Variants in MAML2 observed in about 807,000 individuals in gnomAD.
The protein encoded by MAML2 is mastermind like transcriptional coactivator 2.
Under a neutral mutation model 96.1 loss-of-function variants are expected in MAML2, and 22 were observed. The observed-to-expected ratio is 0.23, with a 90% CI of 0.16 to 0.33. The LOEUF is 0.33. Ranked by LOEUF, MAML2 falls within the 10% of genes least tolerant of loss-of-function variation. MAML2 has a pLI of 1.00. For synonymous variants in MAML2, 561 were observed against 521.3 expected (o/e 1.08, Z -1.04); for missense variants, 1,367 against 1,392.4 (o/e 0.98, Z 0.29).
intron 2 of MAML2, among the ~76,000 whole-genome samples, chr11:96,088,141 T>C (rs1859648207): frequency 6.6e-6 from 1 of 152,164 alleles, no homozygotes; most frequent in Non-Finnish European, 1.5e-5. Context: ...AAGGATAAAC[T>C]TGGCTAGGAA....
intron 2 of MAML2, among the ~76,000 whole-genome samples, chr11:96,054,177 GA>G (rs1859028613): frequency 6.6e-6 from 1 of 152,308 alleles, no homozygotes; most frequent in South Asian, 2.1e-4. Flanking sequence ...TACATGTGGA[GA>G]AATGCCATTC....
chr11:95,991,879 T>G (rs1425602313), intron 2 of MAML2, among the ~76,000 whole-genome samples, 156 bp from the exon 3 acceptor site: 3 of 152,186 alleles, frequency 2.0e-5, no homozygotes. Flanking sequence ...TTTTTAAATG[T>G]AGAAGAAATA....
rs575442622 is a variant in MAML2, at chr11:95,996,599, T to C, written c.2140-4876A>G. Among the ~76,000 whole-genome samples the C allele has an allele frequency of 9.8e-5, 15 of 152,330 alleles. No individual in the cohort carries two copies. The South Asian group carries it at 2.7e-3, about 27-fold the overall frequency. ...TTTAAATCTTGTAGTTTCTAACTCA[T>C]GGGTTTTACCATGTACCTACTATAT... On this transcript the variant is annotated intron_variant, in intron 2 of 4. Coordinates refer to ENST00000524717, the MANE Select transcript of MAML2 (RefSeq NM_032427.4).
rs529797326 is a variant in MAML2 at position 96,073,446 on chromosome 11, A to G, written c.2139+18446T>C. Among the ~76,000 whole-genome samples the G allele has an allele frequency of 2.6e-5, 4 of 151,302 alleles. No individual in the cohort carries two copies. The East Asian group carries it at 7.8e-4, about 29-fold the overall frequency. ...CACCATTCTCCTGCCTCAGCCTCCC[A>G]AGTAGCTGGGACTACAGGCGCCCGC... On this transcript the variant is annotated intron_variant, in intron 2 of 4. Transcript: ENST00000524717.
chr11:96,176,200 A>G (rs1279525326), intron 1 of MAML2, among the ~76,000 whole-genome samples: 1 of 152,150 alleles, frequency 6.6e-6, no homozygotes, highest in Non-Finnish European at 1.5e-5. Context: ...GCAAGGTTAA[A>G]TCTCCTGGGA....
At chr11:96,102,081 C>T (rs889026862) in intron 1 of MAML2, among the ~76,000 whole-genome samples, 4 of 152,168 alleles carry the variant, frequency 2.6e-5, no homozygotes, top group African/African-American at 9.7e-5. Flanking sequence ...TCGAGACCAT[C>T]CTAGCTAACA....
chr11:96,330,752 T>C (rs1426579727), intron 1 of MAML2, among the ~76,000 whole-genome samples: 2 of 152,216 alleles, frequency 1.3e-5, no homozygotes, highest in Non-Finnish European at 2.9e-5. Flanking sequence ...TTAGCTAGAC[T>C]GGCTTCCTTA....
chr11:96,038,978 G>A (rs1002737765), intron 2 of MAML2, among the ~76,000 whole-genome samples: 10 of 152,226 alleles, frequency 6.6e-5, no homozygotes, highest in African/African-American at 1.9e-4. Flanking sequence ...TAGGCCAGGC[G>A]GAATTACTGG....
chr11:96,302,878 T>C (rs1863408069), intron 1 of MAML2, among the ~76,000 whole-genome samples: 1 of 152,240 alleles, frequency 6.6e-6, no homozygotes, highest in African/African-American at 2.4e-5. Flanking sequence ...TAAAACTCAT[T>C]TAATTCTGTT....
chr11:96,118,510 A>G (rs914239087), intron 1 of MAML2, among the ~76,000 whole-genome samples: 6 of 152,206 alleles, frequency 3.9e-5, no homozygotes, highest in Admixed American at 1.3e-4. Flanking sequence ...CTCTCAGTCA[A>G]TTAAACCTCT....
At chr11:96,002,686 GGT>G (rs1858102657) in intron 2 of MAML2, among the ~76,000 whole-genome samples, 4 of 140,126 alleles carry the variant, frequency 2.9e-5, no homozygotes, top group African/African-American at 5.4e-5. Flanking sequence ...TGATGGGGAT[GGT>G]GGGGAGCATG....
chr11:96,093,794 C>T (rs370157058), intron 1 of MAML2, among the ~76,000 whole-genome samples: 2 of 152,338 alleles, frequency 1.3e-5, no homozygotes, highest in East Asian at 3.8e-4. Context: ...TCAATGGATA[C>T]AGATTCCTTC....
intron 3 of MAML2, among the ~76,000 whole-genome samples, chr11:95,990,383 C>T (rs1179793367): frequency 6.6e-6 from 1 of 152,108 alleles, no homozygotes; most frequent in African/African-American, 2.4e-5. Flanking sequence ...AATACCTTGG[C>T]AGGCATAATA....
intron 1 of MAML2, among the ~76,000 whole-genome samples, chr11:96,168,469 C>T (rs1408275392): frequency 6.6e-6 from 1 of 152,178 alleles, no homozygotes; most frequent in Non-Finnish European, 1.5e-5. Context: ...CAGTGGCTCT[C>T]AGGCTTTAGT....
At chr11:96,098,954 C>T (rs1859878059) in intron 1 of MAML2, among the ~76,000 whole-genome samples, 1 of 152,134 alleles carries the variant, frequency 6.6e-6, no homozygotes, top group African/African-American at 2.4e-5. Context: ...CTGTTTCTTC[C>T]CCTGCCCCCA....
intron 1 of MAML2, among the ~76,000 whole-genome samples, chr11:96,270,369 G>A (rs1862899165): frequency 6.6e-6 from 1 of 152,146 alleles, no homozygotes; most frequent in Non-Finnish European, 1.5e-5. Flanking sequence ...GAGTGTAGTG[G>A]TGCGATCTTG....
At chr11:95,994,482 G>C (rs1275340556) in intron 2 of MAML2, among the ~76,000 whole-genome samples, 2 of 152,136 alleles carry the variant, frequency 1.3e-5, no homozygotes, top group Non-Finnish European at 2.9e-5. Context: ...GAGTGTCTTG[G>C]AGGGCAAAAG....
At chr11:96,169,081 G>A (rs573190222) in intron 1 of MAML2, among the ~76,000 whole-genome samples, 10 of 152,280 alleles carry the variant, frequency 6.6e-5, no homozygotes, top group Admixed American at 2.0e-4. Context: ...GGTGGGTTAA[G>A]TTTCTCTTAA....
At chr11:96,162,245 C>CT (rs767988434) in intron 1 of MAML2, among the ~76,000 whole-genome samples, 421 of 79,262 alleles carry the variant, frequency 5.3e-3, no homozygotes, top group African/African-American at 0.012. Flanking sequence ...TCAGGTCTGA[C>CT]TTTTTTTTTT....
Sources: gnomAD v4.1 joint callset for allele counts (sites outside exome capture counted in the v4.1 genomes callset) on GRCh38, gnomAD v4.1.1 for gene constraint, MANE v1.5 for transcripts, NCBI Gene and HGNC (gene_info 2026-07-23, HGNC 2026-07-21) for gene names.